Variants in ZNF341 observed in about 807,000 individuals in gnomAD.
ZNF341 encodes the protein zinc finger protein 341.
ZNF341 carries 52 observed loss-of-function variants against 87.7 expected under a neutral mutation model. The observed-to-expected ratio is 0.59, with a 90% CI of 0.47 to 0.75. ZNF341 has a LOEUF of 0.75. Ranked by LOEUF, ZNF341 falls within the 30% of genes least tolerant of loss-of-function variation. The pLI, the probability that ZNF341 is intolerant of heterozygous loss-of-function variation, is 0.00. For synonymous variants in ZNF341, 459 were observed against 472.7 expected (o/e 0.97, Z 0.38); for missense variants, 977 against 1,145.9 (o/e 0.85, Z 2.13).
intron 10 of ZNF341, among the ~76,000 whole-genome samples, chr20:33,775,998 CCTT>C (rs2019618898): frequency 6.6e-6 from 1 of 151,812 alleles, no homozygotes; most frequent in Non-Finnish European, 1.5e-5. Flanking sequence ...CCATGCCTGG[CCTT>C]CAATATATGT....
intron 13 of ZNF341, among the ~76,000 whole-genome samples, 156 bp from the exon 14 acceptor site, chr20:33,789,362 C>T (rs2019947604): frequency 6.6e-6 from 1 of 152,104 alleles, no homozygotes; most frequent in African/African-American, 2.4e-5. Flanking sequence ...TCCTTTTATC[C>T]TGTCCTGGGC....
At chr20:33,744,532 T>G (rs2018875700) in intron 2 of ZNF341, among the ~76,000 whole-genome samples, 1 of 152,140 alleles carries the variant, frequency 6.6e-6, no homozygotes, top group African/African-American at 2.4e-5. Context: ...TTTACTGTTT[T>G]TTGATTTCTA....
At chr20:33,755,747 C>T (rs1247951543) in intron 5 of ZNF341, among the ~76,000 whole-genome samples, 9 of 151,992 alleles carry the variant, frequency 5.9e-5, no homozygotes, top group Non-Finnish European at 1.5e-5. Context: ...CATGCACCAC[C>T]ATGCCCATCT....
At chr20:33,749,579 G>A (rs978335055) in intron 4 of ZNF341, among the ~76,000 whole-genome samples, 2 of 152,094 alleles carry the variant, frequency 1.3e-5, no homozygotes, top group Non-Finnish European at 2.9e-5. Context: ...TTACAGGTGT[G>A]AGCCACTGTG....
At chr20:33,772,012 A>AAAAAAAAAAAAAAG (rs1265748537) in intron 10 of ZNF341, among the ~76,000 whole-genome samples, 1 of 137,496 alleles carries the variant, frequency 7.3e-6, no homozygotes, top group African/African-American at 2.9e-5. Flanking sequence ...GCTTGTCTTA[A>AAAAAAAAAAAAAAG]AAAAAAAAAA....
At chr20:33,790,897 G>C in intron 14 of ZNF341, 91 bp from the exon 15 acceptor site, 1 of 1,437,242 alleles carries the variant, frequency 7.0e-7, no homozygotes. Flanking sequence ...AGGTGCTGGT[G>C]GGGAAAGAGC....
intron 10 of ZNF341, among the ~76,000 whole-genome samples, chr20:33,777,680 G>C (rs1407269748): frequency 1.3e-5 from 2 of 151,274 alleles, no homozygotes; most frequent in Non-Finnish European, 2.9e-5. Flanking sequence ...GTTAATATCA[G>C]TACAATTCTA....
At position 33,791,264 on chromosome 20, in the gene ZNF341, T is replaced by C. The variant is rs759812050; in HGVS notation, c.2312T>C (p.Leu771Pro). ...GTGCTGACCCCCTTGCCTGACCCGC[T>C]GGGGCTGGAGGAGCTGAAGGACACA... ...RKVLTPLPDP[L>P]GLEELKDTGA... Residue 771 changes from leucine to proline, a missense_variant, in exon 15 of 15, where the codon CTG (leucine) becomes CCG (proline). Coordinates refer to ENST00000375200, the MANE Select transcript of ZNF341 (RefSeq NM_001282933.2). The C allele has an allele frequency of 6.2e-7, 1 of 1,611,906 alleles. No homozygotes were observed. Among genetic ancestry groups the C allele is most frequent in the South Asian group, 1.1e-5 (1 of 91,008 alleles).
chr20:33,789,323 G>A (rs1289490200), intron 13 of ZNF341, among the ~76,000 whole-genome samples, 195 bp from the exon 14 acceptor site: 8 of 152,038 alleles, frequency 5.3e-5, no homozygotes, highest in African/African-American at 1.9e-4. Context: ...GATTACAGGC[G>A]TGAGCCACTG....
chr20:33,755,868 A>G (rs1210640105), intron 5 of ZNF341, among the ~76,000 whole-genome samples: 1 of 151,998 alleles, frequency 6.6e-6, no homozygotes. Context: ...TGCTGGAATT[A>G]CAGGCATGAG....
chr20:33,779,529 C>A (rs2019698019), intron 10 of ZNF341, among the ~76,000 whole-genome samples: 1 of 150,346 alleles, frequency 6.7e-6, no homozygotes, highest in Non-Finnish European at 1.5e-5. Flanking sequence ...CAGCTCACTG[C>A]ATCCTGCATC....
At chr20:33,759,900 T>G (rs2019257646) in intron 7 of ZNF341, among the ~76,000 whole-genome samples, 1 of 152,158 alleles carries the variant, frequency 6.6e-6, no homozygotes, top group Non-Finnish European at 1.5e-5. Flanking sequence ...TTGGATCACA[T>G]CATTCCTTCC....
At chr20:33,743,499 C>T (rs534445624) in intron 2 of ZNF341, among the ~76,000 whole-genome samples, 54 of 151,860 alleles carry the variant, frequency 3.6e-4, no homozygotes, top group African/African-American at 1.2e-3. Context: ...ACCATCATGC[C>T]CAGCTAATTT....
chr20:33,752,450 A>C, intron 4 of ZNF341: 1 of 584,924 alleles, frequency 1.7e-6, no homozygotes, highest in Non-Finnish European at 3.3e-6. Flanking sequence ...CCATGGATGC[A>C]CTTGTGAATG....
Position 33,777,198 on chromosome 20 carries a change from C to A in ZNF341, c.1623-4093C>A, listed in dbSNP as rs1264016334. Among the ~76,000 whole-genome samples, 4 of 149,070 alleles carry A rather than the reference C, an allele frequency of 2.7e-5. No individual in the cohort carries two copies. In the Admixed American group the frequency reaches 2.7e-4, roughly 10 times the overall value. ...AAGAGGTGGGTATGGTAGCATATGC[C>A]TGTGGTCTCAGCTGCTCAGGAGGCT... On this transcript the variant is annotated intron_variant, in intron 10 of 14. Coordinates refer to ENST00000375200, the MANE Select transcript of ZNF341 (RefSeq NM_001282933.2).
At chr20:33,733,974 A>G (rs778505163) in intron 1 of ZNF341, among the ~76,000 whole-genome samples, 12 of 152,236 alleles carry the variant, frequency 7.9e-5, no homozygotes, top group Non-Finnish European at 1.3e-4. Context: ...CCAGAGGCCA[A>G]TAGAATGGGG....
intron 2 of ZNF341, among the ~76,000 whole-genome samples, chr20:33,744,481 G>C (rs2018874573): frequency 6.6e-6 from 1 of 152,186 alleles, no homozygotes; most frequent in Non-Finnish European, 1.5e-5. Flanking sequence ...AATTCAGACA[G>C]GATAAAGGTT....
At chr20:33,766,281 G>A (rs189438495) in intron 8 of ZNF341, among the ~76,000 whole-genome samples, 3 of 151,668 alleles carry the variant, frequency 2.0e-5, no homozygotes, top group South Asian at 2.1e-4. Flanking sequence ...TGCAGCCTCC[G>A]CCTCCCAGGT....
intron 13 of ZNF341, 51 bp from the exon 14 acceptor site, chr20:33,789,467 G>C (rs1427494036): frequency 3.8e-6 from 6 of 1,599,236 alleles, no homozygotes; most frequent in Non-Finnish European, 5.1e-6. Context: ...GGGCCAGCAA[G>C]AGGATCCTAA....
Sources: allele counts gnomAD v4.1 joint callset (sites outside exome capture counted in the v4.1 genomes callset), GRCh38; gene constraint gnomAD v4.1.1; transcripts MANE v1.5; gene names NCBI Gene and HGNC (gene_info 2026-07-23, HGNC 2026-07-21).